NEBL: variants seen among roughly 807,000 people sequenced by gnomAD.
NEBL encodes LIM and SH3 protein 2.
NEBL carries 122 observed loss-of-function variants against 140.2 expected under a neutral mutation model. The ratio of observed to expected loss-of-function variants is 0.87; its 90% CI spans 0.75 to 1.01. The LOEUF is 1.01. Ranked by LOEUF, NEBL falls within the 50% of genes least tolerant of loss-of-function variation. NEBL has a pLI of 0.00. For synonymous variants in NEBL, 436 were observed against 398.9 expected, an observed-to-expected ratio of 1.09 and a Z score of -1.11; for missense variants, 1,365 against 1,231.3, an observed-to-expected ratio of 1.11 and a Z score of -1.62.
At chr10:21,061,722 T>A (rs1835315211) in intron 2 of NEBL, among the ~76,000 whole-genome samples, 2 of 152,142 alleles carry the variant, frequency 1.3e-5, no homozygotes, top group South Asian at 4.1e-4. Flanking sequence ...TTAAATGATG[T>A]TTTTATCCCT....
chr10:20,873,004 T>C (rs1242805228), intron 5 of NEBL, among the ~76,000 whole-genome samples: 5 of 152,198 alleles, frequency 3.3e-5, no homozygotes, highest in African/African-American at 1.2e-4. Flanking sequence ...CTTTATGGAC[T>C]CACCCTGAAT....
At chr10:20,963,655 A>T (rs974524694) in intron 3 of NEBL, among the ~76,000 whole-genome samples, 28 of 152,270 alleles carry the variant, frequency 1.8e-4, no homozygotes, top group Admixed American at 5.2e-4. Context: ...TTAGCCTCCC[A>T]AAGTGCTGGG....
chr10:21,274,316 T>C (rs959358420), intron 1 of NEBL, among the ~76,000 whole-genome samples: 1 of 152,250 alleles, frequency 6.6e-6, no homozygotes, highest in Non-Finnish European at 1.5e-5. Flanking sequence ...CCCAAAAGCT[T>C]AACTACTAAT....
chr10:20,806,520 AG>A (rs1488679530), intron 26 of NEBL, among the ~76,000 whole-genome samples: 21 of 152,296 alleles, frequency 1.4e-4, no homozygotes, highest in African/African-American at 4.8e-4. Flanking sequence ...CCCCTCCCCA[AG>A]GAAGGTTTCC....
chr10:21,217,274 T>C (rs899407702), intron 3 of NEBL, among the ~76,000 whole-genome samples: 1 of 152,172 alleles, frequency 6.6e-6, no homozygotes, highest in African/African-American at 2.4e-5. Flanking sequence ...TTCCTCCAAA[T>C]TGAGCCACAG....
chr10:20,978,710 G>T (rs1836905550), intron 3 of NEBL, among the ~76,000 whole-genome samples: 1 of 151,552 alleles, frequency 6.6e-6, no homozygotes, highest in Admixed American at 6.6e-5. Context: ...AGCCGTGATT[G>T]TGCCACTGCA....
Position 20,974,577 on chromosome 10 carries a change from CATT to C in NEBL, c.250-12801_250-12799del, listed in dbSNP as rs748968631. 3.3e-5 allele frequency among the ~76,000 whole-genome samples: 5 copies of C among 152,220 alleles called. No homozygotes were observed. In the East Asian group the frequency reaches 9.7e-4, roughly 29 times the overall value. On this transcript the variant is annotated intron_variant, in intron 3 of 6. Coordinates refer to the NEBL transcript ENST00000417816. ...AAATGTAATTTAAATAAAAATATATCATTATTTTTCAAAAGACTAGATTCTAAA... is the reference window on the plus strand; with the variant it reads ...AAATGTAATTTAAATAAAAATATATCATTTTTCAAAAGACTAGATTCTAAA...
intron 12 of NEBL, chr10:20,841,271 A>C (rs2281882): frequency 0.23 from 39,400 of 170,752 alleles, 5,038 homozygotes; most frequent in East Asian, 0.42. Context: ...TGATGTAGCC[A>C]AAGGTTTTTT....
chr10:20,808,458 A>G, intron 26 of NEBL, 52 bp downstream of exon 26: 3 of 1,577,256 alleles, frequency 1.9e-6, no homozygotes, highest in Non-Finnish European at 2.6e-6. Flanking sequence ...CACTCTTGTG[A>G]CACACTTAAA....
chr10:21,267,260 G>A (rs1223493927), intron 1 of NEBL, among the ~76,000 whole-genome samples: 1 of 152,048 alleles, frequency 6.6e-6, no homozygotes, highest in African/African-American at 2.4e-5. Context: ...ACAGGCATGA[G>A]CCACCACACC....
In NEBL at chr10:20,783,353, A is replaced by G. The variant is rs918357123; in HGVS notation, c.*2394T>C. 11 of 152,194 alleles carry G rather than the reference A, an allele frequency of 7.2e-5. No homozygotes were observed. The highest frequency in any genetic ancestry group is 6.6e-4 in the Admixed American group (10 of 15,260). 9.4% of individuals were successfully genotyped at this position (152,194 alleles called of 1,614,324 possible). A position where few individuals can be genotyped will look rare whatever the true frequency, so the allele number is the denominator to read the frequency against. ...TCAGTTTTAGTCTTCATTGTAAAAC[A>G]ACTACCCTTTAGTTAAATTCTGATC... On this transcript the variant is annotated 3_prime_UTR_variant, in exon 28 of 28. Coordinates refer to ENST00000377122, the MANE Select transcript of NEBL (RefSeq NM_006393.3).
intron 4 of NEBL, among the ~76,000 whole-genome samples, chr10:20,955,953 G>A (rs376795002): frequency 5.3e-5 from 8 of 150,520 alleles, no homozygotes; most frequent in Non-Finnish European, 1.0e-4. Flanking sequence ...TTTTATTACC[G>A]GGGCTCTTCT....
intron 4 of NEBL, among the ~76,000 whole-genome samples, chr10:20,910,377 C>T (rs1362675120): frequency 1.3e-5 from 2 of 152,058 alleles, no homozygotes; most frequent in South Asian, 2.1e-4. Flanking sequence ...TATGTTATAC[C>T]GAAAAGTTAA....
chr10:20,823,338 T>C (rs1564356779), intron 18 of NEBL, 38 bp from the exon 19 acceptor site: 10 of 1,414,500 alleles, frequency 7.1e-6, no homozygotes, highest in Non-Finnish European at 9.9e-6. Context: ...AACTTTATTC[T>C]ATGCAAGGCT....
Position 21,225,117 on chromosome 10 carries a change from G to A in NEBL, n.348+22804C>T, listed in dbSNP as rs76137136. 7.6e-3 allele frequency among the ~76,000 whole-genome samples: 1,161 copies of A among 152,196 alleles called. 15 individuals carry two copies. The highest frequency in any genetic ancestry group is 0.025 in the African/African-American group (1,041 of 41,528). ...AAAAGCTTTCAGTTTTTCCCCATTCGCTATGATACTGTGGCTCTTGCAGAC... is the reference window on the plus strand; with the variant it reads ...AAAAGCTTTCAGTTTTTCCCCATTCACTATGATACTGTGGCTCTTGCAGAC... On this transcript the variant is annotated intron_variant and non_coding_transcript_variant, in intron 3 of 8. Transcript: ENST00000675702.
intron 2 of NEBL, among the ~76,000 whole-genome samples, chr10:21,035,637 G>A (rs926258065): frequency 1.3e-5 from 2 of 152,114 alleles, no homozygotes; most frequent in Admixed American, 1.3e-4. Context: ...CCAGCTTTAA[G>A]CCTTTTCCAT....
chr10:21,067,129 C>T (rs757044274), intron 2 of NEBL, among the ~76,000 whole-genome samples: 35 of 151,920 alleles, frequency 2.3e-4, no homozygotes, highest in Non-Finnish European at 4.4e-4. Context: ...CCCGCCACCA[C>T]GCCCGGCTAA....
At position 21,291,190 on chromosome 10, in the gene NEBL, G is replaced by C. The variant is rs536911646; in HGVS notation, n.182+1640C>G. Among the ~76,000 whole-genome samples, 48 of 152,034 alleles carry C rather than the reference G, an allele frequency of 3.2e-4. No individual in the cohort carries two copies. The South Asian group carries it at 6.7e-3, about 21-fold the overall frequency. On this transcript the variant is annotated intron_variant and non_coding_transcript_variant, in intron 1 of 8. Transcript: ENST00000675702. Reference sequence around the variant, plus strand: ...GAAGAAAGGAGTGCAATGGGGGTGGGGGGAAGGTAAGGGGGTCTAAGAAGG... The same window carrying C: ...GAAGAAAGGAGTGCAATGGGGGTGGCGGGAAGGTAAGGGGGTCTAAGAAGG...
At chr10:20,866,075 T>G (rs554324153) in intron 7 of NEBL, among the ~76,000 whole-genome samples, 1 of 152,176 alleles carries the variant, frequency 6.6e-6, no homozygotes, top group South Asian at 2.1e-4. Flanking sequence ...TCTTCTTTCT[T>G]CCCTGAGAGA....
Sources: allele counts gnomAD v4.1 joint callset (sites outside exome capture counted in the v4.1 genomes callset), GRCh38; gene constraint gnomAD v4.1.1; transcripts MANE v1.5; gene names NCBI Gene and HGNC (gene_info 2026-07-23, HGNC 2026-07-21).